Variants in ACAP3 observed in about 807,000 individuals in gnomAD.
ACAP3 encodes the protein arf-GAP with coiled-coil, ANK repeat and PH domain-containing protein 3.
Under a neutral mutation model 104.1 loss-of-function variants are expected in ACAP3, and 56 were observed. That is an observed-to-expected ratio of 0.54 (90% CI 0.43 to 0.67). The LOEUF (loss-of-function observed/expected upper bound fraction) is 0.67. Ranked by LOEUF, ACAP3 falls within the 30% of genes least tolerant of loss-of-function variation. The probability of loss-of-function intolerance (pLI) is 0.00; values close to 1 mark genes in which losing one functional copy is unlikely to be tolerated. For synonymous variants in ACAP3, 628 were observed against 496.2 expected, an observed-to-expected ratio of 1.27 and a Z score of -3.53; for missense variants, 1,208 against 1,174.9, an observed-to-expected ratio of 1.03 and a Z score of -0.41.
chr1:1,302,891 A>G, intron 4 of ACAP3, 31 bp downstream of exon 4: 1 of 1,590,596 alleles, frequency 6.3e-7, no homozygotes, highest in South Asian at 1.1e-5. Context: ...GGCCAGGCAC[A>G]GCCCACAGGT....
chr1:1,295,822 C>T lies in ACAP3; in HGVS notation c.1619G>A (p.Arg540Gln), dbSNP rs745323169. ...PRRWRVQKCL[R>Q]PHSSPRAPTA... Reference sequence around the variant, plus strand: ...GGGAGCGCGGGGAGAGCTGTGGGGCCGCAGGCACTTCTGCACCCTCCAGCG... The same window carrying T: ...GGGAGCGCGGGGAGAGCTGTGGGGCTGCAGGCACTTCTGCACCCTCCAGCG... Residue 540 changes from arginine to glutamine, a missense_variant, in exon 18 of 24, where the codon CGG (arginine) becomes CAG (glutamine). Arg to Gln is a conservative substitution (Grantham distance 43, BLOSUM62 1). Coordinates refer to ENST00000354700, the MANE Select transcript of ACAP3 (RefSeq NM_030649.3). 5.0e-6 allele frequency: 8 copies of T among 1,610,624 alleles called. No homozygotes were observed. The African/African-American group carries it at 6.7e-5, about 13-fold the overall frequency.
At chr1:1,301,874 GCA>G in intron 5 of ACAP3, 112 bp downstream of exon 5, 2 of 1,032,876 alleles carry the variant, frequency 1.9e-6, no homozygotes, top group Non-Finnish European at 2.7e-6. Flanking sequence ...TGGAGCCGCT[GCA>G]CAGCCTGGAG....
chr1:1,299,586 G>A, intron 9 of ACAP3: 1 of 709,376 alleles, frequency 1.4e-6, no homozygotes, highest in South Asian at 2.0e-5. Flanking sequence ...CCCGCAAGGA[G>A]CCAGTGACTG....
intron 12 of ACAP3, 90 bp from the exon 13 acceptor site, chr1:1,298,203 G>A (rs906018577): frequency 6.7e-5 from 104 of 1,562,818 alleles, no homozygotes; most frequent in Middle Eastern, 2.0e-4. Context: ...CCCGGAGGCC[G>A]ACTGCCTGAG....
In ACAP3 at chr1:1,298,611, G is replaced by T. The variant is rs200117980; in HGVS notation, c.819C>A (p.Gly273=). Residue 273 remains glycine (G), a synonymous_variant, in exon 11 of 24, where the codon GGC becomes GGA. Coordinates refer to ENST00000354700, the MANE Select transcript of ACAP3 (RefSeq NM_030649.3). ...CGTTGCTGGCCCTCTTGAAGAGGTAGCCCTCCATCACCACCCCACTGGGCG... is the reference window on the plus strand; with the variant it reads ...CGTTGCTGGCCCTCTTGAAGAGGTATCCCTCCATCACCACCCCACTGGGCG... ...VDAPSGVVME[G]YLFKRASNAF... 6.2e-7 allele frequency: 1 copy of T among 1,611,744 alleles called. No individual in the cohort carries two copies. Among genetic ancestry groups the T allele is most frequent in the East Asian group, 2.2e-5 (1 of 44,836 alleles).
intron 5 of ACAP3, 24 bp downstream of exon 5, chr1:1,301,963 TC>T (rs1557607580): frequency 2.0e-6 from 3 of 1,535,998 alleles, no homozygotes; most frequent in South Asian, 2.4e-5. Context: ...TCAGTGTTCT[TC>T]CCCCAGCCCT....
At chr1:1,295,020 GC>G in intron 19 of ACAP3, 1 of 587,700 alleles carries the variant, frequency 1.7e-6, no homozygotes. Flanking sequence ...GCCAGGGGTA[GC>G]CCCCTAAAGC....
chr1:1,305,800 G>A (rs1351763355), intron 1 of ACAP3: 1 of 152,176 alleles, frequency 6.6e-6, no homozygotes, highest in African/African-American at 2.4e-5. Flanking sequence ...GAGGCCAGGC[G>A]GTTCCCCTAC....
intron 10 of ACAP3, chr1:1,299,088 G>A: frequency 3.5e-6 from 2 of 578,994 alleles, no homozygotes; most frequent in South Asian, 4.2e-5. Context: ...CCATCTGGCA[G>A]GCCAGGGAAG....
At chr1:1,301,931 C>T in intron 5 of ACAP3, 57 bp downstream of exon 5, 2 of 1,478,062 alleles carry the variant, frequency 1.4e-6, no homozygotes, top group Non-Finnish European at 1.8e-6. Flanking sequence ...CCCCCTTCCC[C>T]TCCAAGGGAG....
Position 1,298,431 on chromosome 1 carries a change from T to TG in ACAP3, c.864-11dup, listed in dbSNP as rs1570645581. 1 of 1,596,954 alleles carries TG rather than the reference T, an allele frequency of 6.3e-7. No homozygotes were observed. Among genetic ancestry groups the TG allele is most frequent in the Non-Finnish European group, 8.5e-7 (1 of 1,171,368 alleles). On this transcript the variant is annotated splice_polypyrimidine_tract_variant and intron_variant, in intron 11 of 23. Transcript: ENST00000354700. ...AATGGAGAACCAGCGCCTAGGTGGG[T>TG]GGGGGGATGTGGGGAGTCAGGCGGG...
chr1:1,307,444 G>C (rs2100507044), intron 1 of ACAP3: 1 of 1,295,542 alleles, frequency 7.7e-7, no homozygotes, highest in Non-Finnish European at 1.0e-6. Flanking sequence ...AGACGACCCT[G>C]GCCAGAGCTG....
rs768515822 is a variant in ACAP3, at chr1:1,295,531, G to A, written c.1729C>T (p.Arg577Cys). Reference sequence around the variant, plus strand: ...TCGGGACAGAAGAGGGAGTCTCGGCGGAACTTACGATCCAGGGTGCCCACT... The same window carrying A: ...TCGGGACAGAAGAGGGAGTCTCGGCAGAACTTACGATCCAGGGTGCCCACT... ...SSVGTLDRKF[R>C]RDSLFCPDEL... The change falls in exon 19 of 24, where the codon CGC becomes TGC. Residue 577 changes from arginine to cysteine, a missense_variant. Coordinates refer to ENST00000354700, the MANE Select transcript of ACAP3 (RefSeq NM_030649.3). 82 of 1,612,474 alleles carry A rather than the reference G, an allele frequency of 5.1e-5. No homozygotes were observed. Among genetic ancestry groups the A allele is most frequent in the Non-Finnish European group, 6.0e-5 (71 of 1,179,890 alleles).
At position 1,299,913 on chromosome 1, in the gene ACAP3, G is replaced by A. The variant is rs973012450; in HGVS notation, c.664-8C>T. The A allele has an allele frequency of 1.3e-6, 2 of 1,587,746 alleles. No homozygotes were observed. Among genetic ancestry groups the A allele is most frequent in the Non-Finnish European group, 1.7e-6 (2 of 1,161,816 alleles). ...GATCACCAGCTGGTCCAGCTGTTGG[G>A]GGTGGCATTAGGGAAGGTCACGGAG... On this transcript the variant is annotated splice_polypyrimidine_tract_variant and splice_region_variant and intron_variant, in intron 8 of 23. Transcript: ENST00000354700.
chr1:1,303,469 GA>G lies in ACAP3; in HGVS notation c.106-189del. 1 of 658,290 alleles carries G rather than the reference GA, an allele frequency of 1.5e-6. No individual in the cohort carries two copies. Among genetic ancestry groups the G allele is most frequent in the Non-Finnish European group, 2.4e-6 (1 of 409,142 alleles). The allele number at this position is 658,290 out of a possible 1,614,324, so 40.8% of individuals were successfully genotyped here. A position where few individuals can be genotyped will look rare whatever the true frequency, so the allele number is the denominator to read the frequency against. On this transcript the variant is annotated intron_variant, in intron 2 of 23. Transcript: ENST00000354700. The surrounding 1 kb of genome is among the most constrained non-coding windows in gnomAD (Gnocchi z 4.0). ...GCCTGGGGCTTGGAGGCCCGTCTGG[GA>G]GGGGAGGGTGGGGCCGCCACGGCTC...
chr1:1,295,127 G>A, intron 19 of ACAP3: 1 of 555,040 alleles, frequency 1.8e-6, no homozygotes. Flanking sequence ...GGCCCAGGCT[G>A]AAATGTCTCC....
Position 1,293,660 on chromosome 1 carries a change from G to C in ACAP3, c.2409C>G (p.Ala803=). Residue 803 remains alanine (A), a synonymous_variant, in exon 24 of 24, where the codon GCC becomes GCG. Coordinates refer to ENST00000354700, the MANE Select transcript of ACAP3 (RefSeq NM_030649.3). ...CCGCCAGGGCGCCCGGGGGACCAGGGGCAGCCTCGGCCTCGCGCATTTCCT... is the reference window on the plus strand; with the variant it reads ...CCGCCAGGGCGCCCGGGGGACCAGGCGCAGCCTCGGCCTCGCGCATTTCCT... The part of the protein sequence containing the change: ...MAEEMREAEA[A]PGPPGALAGS... 1 of 1,469,868 alleles carries C rather than the reference G, an allele frequency of 6.8e-7. No individual in the cohort carries two copies. The allele number at this position is 1,469,868 out of a possible 1,614,324, so 91.1% of individuals were successfully genotyped here.
chr1:1,302,189 G>A, intron 4 of ACAP3, 143 bp from the exon 5 acceptor site: 1 of 633,944 alleles, frequency 1.6e-6, no homozygotes. Context: ...GCCTCAAGGG[G>A]GTCAGGGGAG....
chr1:1,307,621 G>A (rs1344413917), intron 1 of ACAP3, 148 bp downstream of exon 1: 7 of 932,998 alleles, frequency 7.5e-6, no homozygotes, highest in Non-Finnish European at 9.4e-6. Flanking sequence ...GCGGGGCGGG[G>A]CCGCCGCTTT....
Sources: gnomAD v4.1 joint callset for allele counts on GRCh38, gnomAD v4.1.1 for gene constraint, Gnocchi (gnomAD v3.1) non-coding constraint, MANE v1.5 for transcripts, NCBI Gene and HGNC (gene_info 2026-07-23, HGNC 2026-07-21) for gene names.